The following MON2 variants were observed in gnomAD, a reference collection of about 807,000 sequenced individuals.
The protein encoded by MON2 is protein MON2 homolog.
MON2 carries 84 observed loss-of-function variants against 208.6 expected under a neutral mutation model. That is an observed-to-expected ratio of 0.40 (90% confidence interval 0.34 to 0.48). The LOEUF is 0.48. MON2 is among the 20% of genes least tolerant of loss of function. MON2 has a pLI of 0.59. For missense variants in MON2, 1,611 were observed against 2,015.4 expected (o/e 0.80, Z 3.84); for synonymous variants, 660 against 694.0 (o/e 0.95, Z 0.77).
intron 19 of MON2, 118 bp downstream of exon 19, chr12:62,538,623 C>CAA: frequency 2.8e-6 from 2 of 723,966 alleles, no homozygotes; most frequent in Non-Finnish European, 4.5e-6. Flanking sequence ...GGTAACCATA[C>CAA]TCTGTTGGGT....
chr12:62,484,320 T>C, intron 2 of MON2, 87 bp downstream of exon 2: 3 of 800,248 alleles, frequency 3.7e-6, no homozygotes, highest in Non-Finnish European at 6.1e-6. Context: ...CCATCAGTTT[T>C]CTGTAACATC....
chr12:62,497,638 A>G (rs114702412), intron 4 of MON2, among the ~76,000 whole-genome samples: 7,395 of 151,620 alleles, frequency 0.049, 208 homozygotes, highest in Middle Eastern at 0.075. Context: ...TTTTTGAGAT[A>G]GTGTCTTGCT....
chr12:62,592,871 T>G lies in MON2; in HGVS notation c.*122T>G. Reference sequence around the variant, plus strand: ...TCTTGGCAGCTGTTGTTGGCCTCCTTTAAATTCTACTTACCTGAGTTCAGT... The same window carrying G: ...TCTTGGCAGCTGTTGTTGGCCTCCTGTAAATTCTACTTACCTGAGTTCAGT... On this transcript the variant is annotated 3_prime_UTR_variant, in exon 35 of 35. Transcript: ENST00000393630. 9.9e-7 allele frequency: 1 copy of G among 1,009,354 alleles called. No individual in the cohort carries two copies. Among genetic ancestry groups the G allele is most frequent in the Non-Finnish European group, 1.4e-6 (1 of 708,244 alleles). 62.5% of individuals were successfully genotyped at this position (1,009,354 alleles called of 1,614,324 possible).
chr12:62,475,105 T>A (rs7962519), intron 1 of MON2, among the ~76,000 whole-genome samples: 2 of 152,258 alleles, frequency 1.3e-5, no homozygotes, highest in Non-Finnish European at 1.5e-5. Context: ...TTTCCTAACC[T>A]TCCTTTTTAG....
intron 1 of MON2, among the ~76,000 whole-genome samples, chr12:62,477,938 A>T (rs1286602612): frequency 6.6e-6 from 1 of 152,210 alleles, no homozygotes; most frequent in Non-Finnish European, 1.5e-5. Flanking sequence ...TAGCCTGAGG[A>T]TGAACCTACT....
intron 2 of MON2, among the ~76,000 whole-genome samples, chr12:62,489,502 T>TA (rs1432604683): frequency 1.3e-5 from 2 of 152,124 alleles, no homozygotes; most frequent in Admixed American, 6.5e-5. Context: ...TTGATTTTTT[T>TA]ATCTAGAGGC....
At chr12:62,579,454 T>G (rs899459212) in intron 31 of MON2, among the ~76,000 whole-genome samples, 18 of 151,452 alleles carry the variant, frequency 1.2e-4, no homozygotes, top group Non-Finnish European at 2.4e-4. Flanking sequence ...CCGGGCGCGG[T>G]GGCTCACACC....
In MON2 at chr12:62,534,845, T is replaced by A. The variant is rs1455508834; in HGVS notation, c.1634T>A (p.Val545Asp). Residue 545 changes from valine to aspartate, a missense_variant and splice_region_variant, in exon 13 of 35, where the codon GTT becomes GAT. Transcript: ENST00000393630. The stretch of plus-strand genomic sequence containing the variant: ...ATATTGTATGTTTTTTTCCTTTAAG[T>A]TAGTAGGGCTGTTTGGGAAGAAATG... ...STSDQMDKEI[V>D]SRAVWEEMVN... 6.2e-7 allele frequency: 1 copy of A among 1,607,306 alleles called. No individual in the cohort carries two copies. Among genetic ancestry groups the A allele is most frequent in the Non-Finnish European group, 8.5e-7 (1 of 1,174,634 alleles).
At chr12:62,569,126 G>A (rs2074494395) in intron 29 of MON2, among the ~76,000 whole-genome samples, 1 of 152,166 alleles carries the variant, frequency 6.6e-6, no homozygotes, top group African/African-American at 2.4e-5. Context: ...TTCCTGTTTA[G>A]ATGTGTAAAC....
chr12:62,501,411 A>G (rs558318387), intron 6 of MON2, among the ~76,000 whole-genome samples, 162 bp from the exon 7 acceptor site: 10 of 152,358 alleles, frequency 6.6e-5, no homozygotes, highest in African/African-American at 2.2e-4. Context: ...TAATCTATCA[A>G]TTACACAATT....
intron 1 of MON2, among the ~76,000 whole-genome samples, chr12:62,474,964 A>C (rs982447377): frequency 6.6e-6 from 1 of 152,124 alleles, no homozygotes; most frequent in Non-Finnish European, 1.5e-5. Context: ...TATTAGTAAC[A>C]TTATGCCTGG....
intron 4 of MON2, among the ~76,000 whole-genome samples, chr12:62,496,909 A>G (rs1407593934): frequency 1.4e-5 from 2 of 146,416 alleles, no homozygotes; most frequent in African/African-American, 5.1e-5. Context: ...AACCAACCCA[A>G]ATGTCCAACA....
intron 22 of MON2, among the ~76,000 whole-genome samples, chr12:62,548,526 G>A (rs1203801760): frequency 6.6e-6 from 1 of 152,106 alleles, no homozygotes; most frequent in African/African-American, 2.4e-5. Flanking sequence ...AGTTGTAGAC[G>A]ACCAAGATGC....
chr12:62,516,070 T>C (rs1470550786), intron 8 of MON2, among the ~76,000 whole-genome samples: 2 of 152,146 alleles, frequency 1.3e-5, no homozygotes, highest in African/African-American at 4.8e-5. Flanking sequence ...ATATAGACAA[T>C]GGAGTACTAT....
chr12:62,552,278 GA>G, intron 23 of MON2, among the ~76,000 whole-genome samples: 1 of 152,008 alleles, frequency 6.6e-6, no homozygotes, highest in Non-Finnish European at 1.5e-5. Context: ...TTTTACATGG[GA>G]AAAAATGTAA....
intron 4 of MON2, among the ~76,000 whole-genome samples, chr12:62,498,666 A>T (rs2070673161): frequency 6.6e-6 from 1 of 152,226 alleles, no homozygotes; most frequent in Non-Finnish European, 1.5e-5. Flanking sequence ...AAATAAAAGC[A>T]TAACACATTG....
intron 26 of MON2, among the ~76,000 whole-genome samples, chr12:62,562,022 G>C (rs543266355): frequency 6.6e-6 from 1 of 152,068 alleles, no homozygotes; most frequent in Non-Finnish European, 1.5e-5. Flanking sequence ...TGTTGTGCAG[G>C]AAAAAAGAAT....
intron 2 of MON2, among the ~76,000 whole-genome samples, chr12:62,492,620 C>T (rs1371654665): frequency 1.4e-5 from 2 of 147,956 alleles, no homozygotes; most frequent in Admixed American, 1.3e-4. Flanking sequence ...ATCCACCCGC[C>T]TCGGCCTCCC....
chr12:62,538,898 A>G (rs1181118487), intron 19 of MON2, among the ~76,000 whole-genome samples: 1 of 152,094 alleles, frequency 6.6e-6, no homozygotes, highest in Non-Finnish European at 1.5e-5. Flanking sequence ...TTTCATTGGG[A>G]TGGAAAGTAA....
Sources: gnomAD v4.1 joint callset for allele counts (sites outside exome capture counted in the v4.1 genomes callset) on GRCh38, gnomAD v4.1.1 for gene constraint, MANE v1.5 for transcripts, NCBI Gene and HGNC (gene_info 2026-07-23, HGNC 2026-07-21) for gene names.